The following SERAC1 variants were observed in gnomAD, a reference collection of about 807,000 sequenced individuals.
SERAC1 encodes the protein serine active site containing 1.
In SERAC1, 36 loss-of-function variants were observed where a neutral mutation model predicts 85.7. That is an observed-to-expected ratio of 0.42 (90% CI 0.32 to 0.55). SERAC1 has a LOEUF of 0.55. Ranked by LOEUF, SERAC1 falls within the 20% of genes least tolerant of loss-of-function variation. The pLI, the probability that SERAC1 is intolerant of heterozygous loss-of-function variation, is 0.11. For missense variants in SERAC1, 629 were observed against 796.2 expected (o/e 0.79, Z 2.53); for synonymous variants, 242 against 265.3 (o/e 0.91, Z 0.85).
intron 1 of SERAC1, chr6:158,161,563 T>C (rs192193948): frequency 5.2e-4 from 79 of 152,186 alleles, no homozygotes; most frequent in African/African-American, 1.9e-3. Context: ...AGTTTAAGAA[T>C]GTGCTCTGTA....
At chr6:158,134,130 C>T (rs758816582) in intron 8 of SERAC1, among the ~76,000 whole-genome samples, 2 of 152,242 alleles carry the variant, frequency 1.3e-5, no homozygotes, top group Non-Finnish European at 2.9e-5. Flanking sequence ...CATTCCCTAG[C>T]AACAATGGTT....
At chr6:158,162,647 C>A (rs906815288) in intron 1 of SERAC1, among the ~76,000 whole-genome samples, 1 of 152,174 alleles carries the variant, frequency 6.6e-6, no homozygotes, top group African/African-American at 2.4e-5. Flanking sequence ...TTTTTTCTAT[C>A]TGTCTGACAT....
At chr6:158,160,481 T>C (rs1002740244) in intron 1 of SERAC1, among the ~76,000 whole-genome samples, 1 of 152,236 alleles carries the variant, frequency 6.6e-6, no homozygotes, top group South Asian at 2.1e-4. Flanking sequence ...TCACATACTA[T>C]CTTCCTTTAT....
Position 158,120,629 on chromosome 6 carries a change from A to C in SERAC1, c.1016-54T>G. 8 of 1,564,188 alleles carry C rather than the reference A, an allele frequency of 5.1e-6. No individual in the cohort carries two copies. Among genetic ancestry groups the C allele is most frequent in the Middle Eastern group, 1.7e-4 (1 of 5,736 alleles). On this transcript the variant is annotated intron_variant, in intron 10 of 16. Coordinates refer to ENST00000647468, the MANE Select transcript of SERAC1 (RefSeq NM_032861.4). This position sits in a 1 kb window ranked among gnomAD's most constrained non-coding sequence, Gnocchi z 4.4. Reference sequence around the variant, plus strand: ...CTGATGTGAATCCATCGCAGACCACAGAGAGAGTGAGGTTTCAAACTGAAT... The same window carrying C: ...CTGATGTGAATCCATCGCAGACCACCGAGAGAGTGAGGTTTCAAACTGAAT...
intron 12 of SERAC1, among the ~76,000 whole-genome samples, chr6:158,118,304 C>T (rs931639145): frequency 6.6e-6 from 1 of 152,110 alleles, no homozygotes; most frequent in Non-Finnish European, 1.5e-5. Context: ...CTTGATAAGC[C>T]TTTGTGAAGG....
At chr6:158,111,570 G>A (rs1014696952) in intron 16 of SERAC1, 68 bp from the exon 17 acceptor site, 9 of 1,253,850 alleles carry the variant, frequency 7.2e-6, no homozygotes, top group African/African-American at 1.5e-5. Context: ...AATACTGAAA[G>A]AGGCCGAATG....
chr6:158,127,042 G>T (rs1279520139), intron 10 of SERAC1, among the ~76,000 whole-genome samples: 1 of 109,802 alleles, frequency 9.1e-6, no homozygotes, highest in Admixed American at 1.1e-4. Flanking sequence ...AACACAGTGA[G>T]ATTCTCTCAA....
At position 158,113,556 on chromosome 6, in the gene SERAC1, A is replaced by T. The variant is rs1784198236; in HGVS notation, c.1721T>A (p.Leu574Gln). 6.2e-7 allele frequency: 1 copy of T among 1,613,994 alleles called. No individual in the cohort carries two copies. The highest frequency in any genetic ancestry group is 2.2e-5 in the East Asian group (1 of 44,874). ...PALKTLQDDF[L>Q]EFAKDKNFQV... ...GAAGTTTTTGTCTTTAGCAAACTCCAGAAAGTCATCTTGTAGTGTTTTAAG... is the reference window on the plus strand; with the variant it reads ...GAAGTTTTTGTCTTTAGCAAACTCCTGAAAGTCATCTTGTAGTGTTTTAAG... Residue 574 changes from leucine to glutamine, a missense_variant, in exon 16 of 17, where the codon CTG (leucine) becomes CAG (glutamine). Physicochemically the swap from Leu to Gln is moderately radical, Grantham distance 113 (BLOSUM62 -2). Transcript: ENST00000647468.
chr6:158,118,323 T>C (rs1415440041), intron 12 of SERAC1, among the ~76,000 whole-genome samples: 1 of 152,186 alleles, frequency 6.6e-6, no homozygotes, highest in Non-Finnish European at 1.5e-5. Context: ...GGAGAATAAG[T>C]AGTAATGGAA....
In SERAC1 at chr6:158,155,301, A is replaced by G. The variant is rs1431240906; in HGVS notation, c.128+14T>C. The G allele has an allele frequency of 6.5e-7, 1 of 1,527,936 alleles. No homozygotes were observed. The highest frequency in any genetic ancestry group is 9.1e-7 in the Non-Finnish European group (1 of 1,103,618). The allele number at this position is 1,527,936 out of a possible 1,614,324, so 94.6% of individuals were successfully genotyped here. ...ATAATGAAGCCAATTAATATTCCACAGTTGACGACTTACCCTAAAATAAGT... is the reference window on the plus strand; with the variant it reads ...ATAATGAAGCCAATTAATATTCCACGGTTGACGACTTACCCTAAAATAAGT... On this transcript the variant is annotated intron_variant, in intron 3 of 16. Transcript: ENST00000647468.
At chr6:158,140,849 A>T (rs1784899038) in intron 8 of SERAC1, among the ~76,000 whole-genome samples, 1 of 151,762 alleles carries the variant, frequency 6.6e-6, no homozygotes, top group African/African-American at 2.4e-5. Flanking sequence ...AACCCTCCAC[A>T]CTCCTGGTGT....
At position 158,117,496 on chromosome 6, in the gene SERAC1, A is replaced by C; in HGVS notation, c.1403+231T>G. On this transcript the variant is annotated intron_variant, in intron 13 of 16. Transcript: ENST00000647468. This position sits in a 1 kb window ranked among gnomAD's most constrained non-coding sequence, Gnocchi z 4.3. ...TCCTTCACTATTAGAACAGTTGTAAATAAACCATGTTAGGAGCCCACCATT... is the reference window on the plus strand; with the variant it reads ...TCCTTCACTATTAGAACAGTTGTAACTAAACCATGTTAGGAGCCCACCATT... 4 of 1,549,190 alleles carry C rather than the reference A, an allele frequency of 2.6e-6. No individual in the cohort carries two copies. The East Asian group carries it at 9.8e-5, about 38-fold the overall frequency.
In SERAC1 at chr6:158,117,842, G is replaced by A; in HGVS notation, c.1309-21C>T. The A allele has an allele frequency of 1.9e-6, 3 of 1,583,164 alleles. No individual in the cohort carries two copies. The highest frequency in any genetic ancestry group is 2.6e-6 in the Non-Finnish European group (3 of 1,153,040). ...CATGTCTAAGTAAAATAAAACATAT[G>A]TGAGAACAAGTATGAATCTTCACCA... On this transcript the variant is annotated intron_variant, in intron 12 of 16. Transcript: ENST00000647468. This position sits in a 1 kb window ranked among gnomAD's most constrained non-coding sequence, Gnocchi z 4.3.
chr6:158,138,916 AT>A (rs1784857189), intron 8 of SERAC1, among the ~76,000 whole-genome samples: 1 of 152,042 alleles, frequency 6.6e-6, no homozygotes, highest in South Asian at 2.1e-4. Context: ...TTATTTTTAA[AT>A]TTTTTTTAGA....
At position 158,121,627 on chromosome 6, in the gene SERAC1, T is replaced by C. The variant is rs1784424066; in HGVS notation, c.1016-1052A>G. On this transcript the variant is annotated intron_variant, in intron 10 of 16. Coordinates refer to ENST00000647468, the MANE Select transcript of SERAC1 (RefSeq NM_032861.4). Reference sequence around the variant, plus strand: ...GATGGGAAGCTAGCATTTAATAACCTAAAAGAAGCTTCAGACTCAGTACTT... The same window carrying C: ...GATGGGAAGCTAGCATTTAATAACCCAAAAGAAGCTTCAGACTCAGTACTT... Among the ~76,000 whole-genome samples the C allele has an allele frequency of 2.6e-5, 4 of 152,222 alleles. No individual in the cohort carries two copies. In the South Asian group the frequency reaches 8.3e-4, roughly 32 times the overall value.
intron 1 of SERAC1, among the ~76,000 whole-genome samples, chr6:158,165,361 T>A (rs1003296142): frequency 2.0e-5 from 3 of 152,146 alleles, no homozygotes; most frequent in Admixed American, 2.0e-4. Flanking sequence ...TTCACCGTGT[T>A]ATCCAGGATG....
Position 158,143,329 on chromosome 6 carries a change from CTCTCTCTCTCTCTCTCTCTATATA to C in SERAC1, c.610-169_610-146del, listed in dbSNP as rs759907990. ...TGTCTCTCTCTCTCTCTCTCTCTCTCTCTCTCTCTCTCTCTCTCTATATATATATATATATATATATATATACAC... is the reference window on the plus strand; with the variant it reads ...TGTCTCTCTCTCTCTCTCTCTCTCTCTATATATATATATATATATATACAC... On this transcript the variant is annotated intron_variant, in intron 7 of 16. Coordinates refer to ENST00000647468, the MANE Select transcript of SERAC1 (RefSeq NM_032861.4). 11,597 of 218,774 alleles carry C rather than the reference CTCTCTCTCTCTCTCTCTCTATATA, an allele frequency of 0.053. 340 individuals carry two copies. Among genetic ancestry groups the C allele is most frequent in the Admixed American group, 0.067 (677 of 10,152 alleles). 13.6% of individuals were successfully genotyped at this position (218,774 alleles called of 1,614,324 possible). A position where few individuals can be genotyped will look rare whatever the true frequency, so the allele number is the denominator to read the frequency against.
intron 15 of SERAC1, chr6:158,114,485 A>C: frequency 1.8e-6 from 2 of 1,141,008 alleles, no homozygotes; most frequent in Non-Finnish European, 2.1e-6. Flanking sequence ...GGGGGAAAAA[A>C]GCCATTTATT....
Position 158,117,763 on chromosome 6 carries a change from C to A in SERAC1, c.1367G>T (p.Ser456Ile). The A allele has an allele frequency of 3.1e-6, 5 of 1,614,178 alleles. No homozygotes were observed. The highest frequency in any genetic ancestry group is 4.2e-6 in the Non-Finnish European group (5 of 1,180,024). ...LRIISVEYDTSLSDWRARCPM... is the reference protein window; with the variant it reads ...LRIISVEYDTILSDWRARCPM... Reference sequence around the variant, plus strand: ...GCACCTTGCTCTCCAGTCGCTGAGGCTGGTGTCATACTCCACAGATATAAT... The same window carrying A: ...GCACCTTGCTCTCCAGTCGCTGAGGATGGTGTCATACTCCACAGATATAAT... The change falls in exon 13 of 17, where the codon AGC (serine) becomes ATC (isoleucine). Residue 456 changes from serine to isoleucine, a missense_variant. Transcript: ENST00000647468. This position sits in a 1 kb window ranked among gnomAD's most constrained non-coding sequence, Gnocchi z 4.3.
Sources: gnomAD v4.1 joint callset for allele counts (sites outside exome capture counted in the v4.1 genomes callset) on GRCh38, gnomAD v4.1.1 for gene constraint, Gnocchi (gnomAD v3.1) non-coding constraint, MANE v1.5 for transcripts, NCBI Gene and HGNC (gene_info 2026-07-23, HGNC 2026-07-21) for gene names.